FAM219B: variants seen among roughly 807,000 people sequenced by gnomAD.
FAM219B encodes the protein protein FAM219B.
FAM219B carries 18 observed loss-of-function variants against 19.9 expected under a neutral mutation model. That is an observed-to-expected ratio of 0.91 (90% CI 0.63 to 1.34). The LOEUF (loss-of-function observed/expected upper bound fraction) is 1.34. Among genes scored for constraint, FAM219B ranks in the 40% most tolerant of loss-of-function variants. FAM219B has a pLI of 0.00. For missense variants in FAM219B, 283 were observed against 270.5 expected (o/e 1.05, Z -0.32); for synonymous variants, 123 against 117.5 (o/e 1.05, Z -0.30).
Position 74,906,632 on chromosome 15 carries a change from C to G in FAM219B, c.169G>C (p.Gly57Arg), listed in dbSNP as rs371109566. Reference protein sequence around the residue: ...ERTPAAVEKRGPYMVTRAPSI... With the variant: ...ERTPAAVEKRRPYMVTRAPSI... ...GGTGCGCGCGTCACCATGTATGGCC[C>G]CCGCTTTTCCACGGCCGCGGGGGTG... The change falls in exon 1 of 5, where the codon GGG becomes CGG. Residue 57 changes from glycine to arginine, a missense_variant. Gly to Arg is a moderately radical substitution (Grantham distance 125, BLOSUM62 -2). Coordinates refer to ENST00000357635, the MANE Select transcript of FAM219B (RefSeq NM_020447.5). 2.7e-6 allele frequency: 4 copies of G among 1,508,452 alleles called. No homozygotes were observed. In the South Asian group the frequency reaches 4.1e-5, roughly 15 times the overall value. The allele number at this position is 1,508,452 out of a possible 1,614,324, so 93.4% of individuals were successfully genotyped here. A position where few individuals can be genotyped will look rare whatever the true frequency, so the allele number is the denominator to read the frequency against.
In FAM219B at chr15:74,906,629, G is replaced by A. The variant is rs2065207823; in HGVS notation, c.172C>T (p.Pro58Ser). Residue 58 changes from proline (P) to serine (S), a missense_variant, in exon 1 of 5, where the codon CCA becomes TCA. By Grantham distance (74) the Pro-to-Ser change is moderately conservative (BLOSUM62 -1). Coordinates refer to ENST00000357635, the MANE Select transcript of FAM219B (RefSeq NM_020447.5). Reference sequence around the variant, plus strand: ...GAGGGTGCGCGCGTCACCATGTATGGCCCCCGCTTTTCCACGGCCGCGGGG... The same window carrying A: ...GAGGGTGCGCGCGTCACCATGTATGACCCCCGCTTTTCCACGGCCGCGGGG... ...RTPAAVEKRGPYMVTRAPSIQ... is the reference protein window; with the variant it reads ...RTPAAVEKRGSYMVTRAPSIQ... The A allele has an allele frequency of 6.6e-7, 1 of 1,508,564 alleles. No homozygotes were observed. 93.4% of individuals were successfully genotyped at this position (1,508,564 alleles called of 1,614,324 possible).
chr15:74,905,342 T>C lies in FAM219B; in HGVS notation c.303-111A>G. ...AGAAAGAATTGACTGCACTACTGACTTGCCTTCTCCCTGGTCACAGCCACC... is the reference window on the plus strand; with the variant it reads ...AGAAAGAATTGACTGCACTACTGACCTGCCTTCTCCCTGGTCACAGCCACC... On this transcript the variant is annotated intron_variant, in intron 2 of 4. Coordinates refer to ENST00000357635, the MANE Select transcript of FAM219B (RefSeq NM_020447.5). 3.8e-6 allele frequency: 4 copies of C among 1,048,190 alleles called. No homozygotes were observed. In the South Asian group the frequency reaches 4.1e-5, roughly 11 times the overall value. 64.9% of individuals were successfully genotyped at this position (1,048,190 alleles called of 1,614,324 possible). A position where few individuals can be genotyped will look rare whatever the true frequency, so the allele number is the denominator to read the frequency against.
intron 3 of FAM219B, 93 bp downstream of exon 3, chr15:74,905,061 T>G: frequency 1.3e-6 from 2 of 1,595,350 alleles, no homozygotes; most frequent in Middle Eastern, 3.3e-4. Context: ...ATGAAGGGCC[T>G]TGGAGGAGAC....
chr15:74,906,537 C>T (rs375121033), intron 1 of FAM219B, 50 bp downstream of exon 1: 402 of 1,463,310 alleles, frequency 2.7e-4, no homozygotes, highest in Middle Eastern at 1.9e-3. Flanking sequence ...CCTGGGGACG[C>T]GGCCGCCCGC....
intron 2 of FAM219B, 45 bp downstream of exon 2, chr15:74,906,233 C>T (rs2065183087): frequency 6.3e-7 from 1 of 1,597,782 alleles, no homozygotes; most frequent in Non-Finnish European, 8.5e-7. Context: ...GGATTAAAGC[C>T]TTCTCTAAAG....
downstream of FAM219B, chr15:74,898,570 G>A (rs1423600608): frequency 6.6e-6 from 1 of 151,822 alleles, no homozygotes; most frequent in Non-Finnish European, 1.5e-5. Flanking sequence ...CGGAGTCTCG[G>A]TCTGTAGCCC....
chr15:74,904,578 T>A, intron 4 of FAM219B, 86 bp downstream of exon 4: 1 of 1,482,392 alleles, frequency 6.7e-7, no homozygotes. Flanking sequence ...AGTGCTGTGC[T>A]CACAGCGGGC....
At chr15:74,906,412 G>A (rs1468784104) in intron 1 of FAM219B, 47 bp from the exon 2 acceptor site, 1 of 1,570,916 alleles carries the variant, frequency 6.4e-7, no homozygotes, top group East Asian at 2.3e-5. Flanking sequence ...CCACTCCGCC[G>A]CGTCTCCCGA....
chr15:74,904,957 C>A, intron 3 of FAM219B, 197 bp downstream of exon 3: 1 of 1,535,940 alleles, frequency 6.5e-7, no homozygotes. Flanking sequence ...CATTGGTGCT[C>A]CGAATTCTAG....
At position 74,906,260 on chromosome 15, in the gene FAM219B, G is replaced by A. The variant is rs2065185248; in HGVS notation, c.302+18C>T. The A allele has an allele frequency of 6.2e-7, 1 of 1,611,682 alleles. No individual in the cohort carries two copies. ...TCTCTAAAGCTGCTGGCACAGAGGA[G>A]GTGGCGCCTGCTGAGACCTTTTCCC... On this transcript the variant is annotated intron_variant, in intron 2 of 4. Coordinates refer to ENST00000357635, the MANE Select transcript of FAM219B (RefSeq NM_020447.5).
chr15:74,904,041 C>G (rs1288053536), intron 4 of FAM219B, among the ~76,000 whole-genome samples: 1 of 152,134 alleles, frequency 6.6e-6, no homozygotes, highest in Admixed American at 6.6e-5. Flanking sequence ...CTCAGAGAAA[C>G]TAGAGTTGCT....
chr15:74,906,350 AG>A lies in FAM219B; in HGVS notation c.229del (p.Leu77TrpfsTer27), dbSNP rs762918159. On this transcript the variant is annotated frameshift_variant, in exon 2 of 5. Coordinates refer to ENST00000357635, the MANE Select transcript of FAM219B (RefSeq NM_020447.5). LOFTEE classifies it high-confidence loss of function. ...TTTTCTCCGCAGAACGGCCTTGGCC[AG>A]GTCCCGGTGCTTCTCTGGAAGTTAA... Reference protein sequence around the residue: ...IQAKLQKHRDLAKAVLRRKGM... With the variant: ...IQAKLQKHRDXAKAVLRRKGM... 1.2e-6 allele frequency: 2 copies of A among 1,612,182 alleles called. No homozygotes were observed. Among genetic ancestry groups the A allele is most frequent in the Non-Finnish European group, 1.7e-6 (2 of 1,179,424 alleles).
At position 74,902,215 on chromosome 15, in the gene FAM219B, T is replaced by C; in HGVS notation, c.*404A>G. 1 of 398,740 alleles carries C rather than the reference T, an allele frequency of 2.5e-6. No homozygotes were observed. 24.7% of individuals were successfully genotyped at this position (398,740 alleles called of 1,614,324 possible). On this transcript the variant is annotated 3_prime_UTR_variant, in exon 5 of 5. Transcript: ENST00000357635. The stretch of plus-strand genomic sequence containing the variant: ...TTGCCAGCTATAATAAACCATAAAG[T>C]GCTATTTTCTGCCTCCATTCAACAC...
chr15:74,906,332 C>T lies in FAM219B; in HGVS notation c.248G>A (p.Arg83Gln), dbSNP rs1314064612. The T allele has an allele frequency of 1.2e-6, 2 of 1,613,290 alleles. No individual in the cohort carries two copies. The highest frequency in any genetic ancestry group is 1.1e-5 in the South Asian group (1 of 90,906). ...KHRDLAKAVL[R>Q]RKGMLGASPN... is the part of the protein sequence containing the mutation. Reference sequence around the variant, plus strand: ...CGAGGCCCCCAGCATGCCTTTTCTCCGCAGAACGGCCTTGGCCAGGTCCCG... The same window carrying T: ...CGAGGCCCCCAGCATGCCTTTTCTCTGCAGAACGGCCTTGGCCAGGTCCCG... Residue 83 changes from arginine to glutamine, a missense_variant, in exon 2 of 5, where the codon CGG (arginine) becomes CAG (glutamine). Coordinates refer to ENST00000357635, the MANE Select transcript of FAM219B (RefSeq NM_020447.5).
intron 3 of FAM219B, chr15:74,904,944 G>A (rs1168858886): frequency 1.6e-5 from 25 of 1,528,138 alleles, no homozygotes; most frequent in East Asian, 2.4e-5. Context: ...ATGATCCCCC[G>A]GACATTGGTG....
chr15:74,906,827 G>A lies in FAM219B; in HGVS notation c.-27C>T. 1 of 1,251,450 alleles carries A rather than the reference G, an allele frequency of 8.0e-7. No individual in the cohort carries two copies. The highest frequency in any genetic ancestry group is 1.0e-6 in the Non-Finnish European group (1 of 999,464). The allele number at this position is 1,251,450 out of a possible 1,614,324, so 77.5% of individuals were successfully genotyped here. A position where few individuals can be genotyped will look rare whatever the true frequency, so the allele number is the denominator to read the frequency against. On this transcript the variant is annotated 5_prime_UTR_variant, in exon 1 of 5. Coordinates refer to ENST00000357635, the MANE Select transcript of FAM219B (RefSeq NM_020447.5). ...GCCGGGCCCCGCCCTGCCGGATGGT[G>A]CAACCCCGCCCGTGGCGAAAGAGTG... is the stretch of plus-strand genomic sequence containing the variant.
At chr15:74,904,581 C>T (rs1785662808) in intron 4 of FAM219B, 83 bp downstream of exon 4, 2 of 1,498,990 alleles carry the variant, frequency 1.3e-6, no homozygotes, top group Non-Finnish European at 9.3e-7. Flanking sequence ...GCTGTGCTCA[C>T]AGCGGGCACC....
intron 4 of FAM219B, among the ~76,000 whole-genome samples, chr15:74,903,064 A>G (rs2065029385): frequency 6.6e-6 from 1 of 152,208 alleles, no homozygotes; most frequent in South Asian, 2.1e-4. Flanking sequence ...CGAGTTCCCA[A>G]TATGTTTGAA....
intron 4 of FAM219B, 101 bp from the exon 5 acceptor site, chr15:74,902,887 A>G: frequency 7.2e-7 from 1 of 1,391,658 alleles, no homozygotes; most frequent in Non-Finnish European, 9.7e-7. Flanking sequence ...CTTCCTGTCC[A>G]TGTCCCACCC....
Sources: gnomAD v4.1 joint callset for allele counts (sites outside exome capture counted in the v4.1 genomes callset) on GRCh38, gnomAD v4.1.1 for gene constraint, MANE v1.5 for transcripts, NCBI Gene and HGNC (gene_info 2026-07-23, HGNC 2026-07-21) for gene names.